DRC7: variants seen among roughly 807,000 people sequenced by gnomAD.
DRC7 encodes the protein coiled-coil domain containing 135.
DRC7 carries 80 observed loss-of-function variants against 104.4 expected under a neutral mutation model. The observed-to-expected ratio is 0.77, with a 90% CI of 0.64 to 0.92. The LOEUF (loss-of-function observed/expected upper bound fraction) is 0.92. Among genes scored for constraint, DRC7 ranks in the 40% least tolerant of loss-of-function variants. The probability of loss-of-function intolerance (pLI) is 0.00; values close to 1 mark genes in which losing one functional copy is unlikely to be tolerated. For synonymous variants in DRC7, 405 were observed against 447.3 expected (o/e 0.91, Z 1.19); for missense variants, 1,034 against 1,141.1 (o/e 0.91, Z 1.35).
rs374819237 is a variant in DRC7, at chr16:57,720,341, A to G, written c.1207-1326A>G. 5.3e-5 allele frequency among the ~76,000 whole-genome samples: 8 copies of G among 152,322 alleles called. No individual in the cohort carries two copies. The East Asian group carries it at 1.5e-3, about 29-fold the overall frequency. ...GGCTGCTTGATGTGATGTGCTTGGCACAGCAGTGTAGACCATCTCAAAAGG... is the reference window on the plus strand; with the variant it reads ...GGCTGCTTGATGTGATGTGCTTGGCGCAGCAGTGTAGACCATCTCAAAAGG... On this transcript the variant is annotated intron_variant, in intron 9 of 18. Coordinates refer to ENST00000360716, the MANE Select transcript of DRC7 (RefSeq NM_001289162.2).
rs1271800549 is a variant in DRC7 at position 57,709,638 on chromosome 16, C to T, written c.1077+1960C>T. On this transcript the variant is annotated intron_variant, in intron 8 of 18. Coordinates refer to ENST00000360716, the MANE Select transcript of DRC7 (RefSeq NM_001289162.2). Reference sequence around the variant, plus strand: ...GTAAATTAGACTGATTGTGTTCCCCCCTTTTTAAAATTGAGGTGTAATTGA... The same window carrying T: ...GTAAATTAGACTGATTGTGTTCCCCTCTTTTTAAAATTGAGGTGTAATTGA... 3.3e-5 allele frequency among the ~76,000 whole-genome samples: 5 copies of T among 152,128 alleles called. No individual in the cohort carries two copies. In the East Asian group the frequency reaches 9.6e-4, roughly 29 times the overall value.
Position 57,716,418 on chromosome 16 carries a change from G to A in DRC7, c.1078-1929G>A, listed in dbSNP as rs553623331. Among the ~76,000 whole-genome samples, 7 of 150,688 alleles carry A rather than the reference G, an allele frequency of 4.6e-5. No homozygotes were observed. The South Asian group carries it at 6.3e-4, about 14-fold the overall frequency. On this transcript the variant is annotated intron_variant, in intron 8 of 18. Transcript: ENST00000360716. ...CTCAGGAGGCTGAGGCATGAGAATC[G>A]CTTGAACCCAGGAGGCAGAGGTTGC...
At chr16:57,730,826 G>A in intron 17 of DRC7, 105 bp from the exon 18 acceptor site, 1 of 1,283,384 alleles carries the variant, frequency 7.8e-7, no homozygotes, top group Non-Finnish European at 1.1e-6. Context: ...GGACACTGGG[G>A]CCAACCGTCA....
chr16:57,703,971 A>G (rs1291460686), intron 6 of DRC7, among the ~76,000 whole-genome samples: 2 of 140,088 alleles, frequency 1.4e-5, no homozygotes, highest in African/African-American at 5.6e-5. Flanking sequence ...TGGCTCCAAA[A>G]AAAAAAAAAA....
At chr16:57,720,904 G>A (rs2048895373) in intron 9 of DRC7, among the ~76,000 whole-genome samples, 2 of 152,112 alleles carry the variant, frequency 1.3e-5, no homozygotes, top group African/African-American at 2.4e-5. Flanking sequence ...GCTCAGAGAG[G>A]AAATAATAAT....
chr16:57,718,926 C>T (rs538055172), intron 9 of DRC7, among the ~76,000 whole-genome samples: 3 of 152,110 alleles, frequency 2.0e-5, no homozygotes, highest in African/African-American at 7.2e-5. Context: ...GAGGCCGAAG[C>T]TGCAGTGAGC....
At chr16:57,695,525 T>A (rs1220932018) in intron 1 of DRC7, among the ~76,000 whole-genome samples, 2 of 152,138 alleles carry the variant, frequency 1.3e-5, no homozygotes, top group African/African-American at 4.8e-5. Context: ...GTAAATGCCT[T>A]GTAATGGTGA....
chr16:57,700,310 G>A (rs79328576), intron 5 of DRC7, 40 bp downstream of exon 5: 1 of 1,582,668 alleles, frequency 6.3e-7, no homozygotes, highest in Non-Finnish European at 8.6e-7. Context: ...AGCCCACCAG[G>A]ACTAAGATGG....
chr16:57,705,447 A>G (rs1194310434), intron 7 of DRC7, among the ~76,000 whole-genome samples: 3 of 130,288 alleles, frequency 2.3e-5, no homozygotes, highest in East Asian at 2.3e-4. Flanking sequence ...CCATCCTCTG[A>G]TCTCTCCTCC....
chr16:57,706,471 C>T (rs1212672071), intron 7 of DRC7, among the ~76,000 whole-genome samples: 5 of 143,728 alleles, frequency 3.5e-5, no homozygotes, highest in Admixed American at 3.5e-4. Flanking sequence ...TCCATCCATC[C>T]TCCCATCCAT....
rs1413678163 is a variant in DRC7, at chr16:57,731,075, G to A, written c.2531+5G>A. 6.2e-7 allele frequency: 1 copy of A among 1,613,624 alleles called. No individual in the cohort carries two copies. Among genetic ancestry groups the A allele is most frequent in the Non-Finnish European group, 8.5e-7 (1 of 1,179,936 alleles). On this transcript the variant is annotated splice_donor_5th_base_variant and intron_variant, in intron 18 of 18. Transcript: ENST00000360716. ...CCTGGAGCAGCGCCTCAATCGGTGA[G>A]CAGGCAGGGCAGGTGGAGAGAACCC...
In DRC7 at chr16:57,726,254, A is replaced by G; in HGVS notation, c.1945A>G (p.Met649Val). 2.5e-6 allele frequency: 4 copies of G among 1,612,670 alleles called. No individual in the cohort carries two copies. The South Asian group carries it at 3.3e-5, about 13-fold the overall frequency. Residue 649 changes from methionine to valine, a missense_variant, in exon 14 of 19, where the codon ATG (methionine) becomes GTG (valine). Met to Val is a conservative substitution (Grantham distance 21, BLOSUM62 1). Transcript: ENST00000360716. The part of the protein sequence containing the change: ...EVDSKGNKII[M>V]TPDMCISFEV... The stretch of plus-strand genomic sequence containing the variant: ...GGACAGCAAAGGCAACAAGATCATC[A>G]TGACGCCCGACATGTGCATCAGCTT...
In DRC7 at chr16:57,707,477, GC is replaced by G; in HGVS notation, c.878del (p.Pro293ArgfsTer69). 6 of 1,612,960 alleles carry G rather than the reference GC, an allele frequency of 3.7e-6. No individual in the cohort carries two copies. Among genetic ancestry groups the G allele is most frequent in the Non-Finnish European group, 4.2e-6 (5 of 1,179,780 alleles). ...CTTGGCAGGAAGCGGAGAAGGCAAA[GC>G]CGGATGCCCTGCACGGCCTGCGGGT... ...ERLMEAEKAK[P>X]DALHGLRVHS... On this transcript the variant is annotated frameshift_variant, in exon 8 of 19. Transcript: ENST00000360716. LOFTEE classifies it high-confidence loss of function.
At chr16:57,729,476 G>A (rs2049021538) in intron 17 of DRC7, among the ~76,000 whole-genome samples, 1 of 146,768 alleles carries the variant, frequency 6.8e-6, no homozygotes, top group African/African-American at 2.5e-5. Context: ...GTGGGTGGGT[G>A]GATGGATGAG....
intron 1 of DRC7, among the ~76,000 whole-genome samples, chr16:57,695,474 C>T (rs775157434): frequency 1.7e-4 from 26 of 152,202 alleles, no homozygotes; most frequent in Non-Finnish European, 1.9e-4. Context: ...TCCGTACAAC[C>T]CTCAGCACAG....
chr16:57,730,008 A>G, intron 17 of DRC7, among the ~76,000 whole-genome samples: 1 of 111,024 alleles, frequency 9.0e-6, no homozygotes, highest in Non-Finnish European at 1.8e-5. Context: ...GCGAGTGGAT[A>G]GATGGACAGT....
chr16:57,723,335 A>G (rs1428090610), intron 12 of DRC7, among the ~76,000 whole-genome samples: 1 of 152,192 alleles, frequency 6.6e-6, no homozygotes, highest in Admixed American at 6.5e-5. Flanking sequence ...AAGGAAATAT[A>G]ACAAATGCTC....
At chr16:57,721,940 C>T (rs918603624) in intron 10 of DRC7, among the ~76,000 whole-genome samples, 6 of 149,892 alleles carry the variant, frequency 4.0e-5, no homozygotes, top group Non-Finnish European at 7.4e-5. Context: ...GAGGGCCTGA[C>T]GACCAGTCTG....
intron 17 of DRC7, among the ~76,000 whole-genome samples, chr16:57,730,542 G>A (rs2049049266): frequency 6.6e-6 from 1 of 152,048 alleles, no homozygotes; most frequent in South Asian, 2.1e-4. Context: ...ACACCATGTA[G>A]TTCCCGTGCA....
Sources: allele counts gnomAD v4.1 joint callset (sites outside exome capture counted in the v4.1 genomes callset), GRCh38; gene constraint gnomAD v4.1.1; transcripts MANE v1.5; gene names NCBI Gene and HGNC (gene_info 2026-07-23, HGNC 2026-07-21).